Variants in ATAD2 observed in about 807,000 individuals in gnomAD.
ATAD2 encodes the protein ATPase family AAA domain-containing protein 2.
ATAD2 carries 62 observed loss-of-function variants against 168.9 expected under a neutral mutation model. That is an observed-to-expected ratio of 0.37 (90% CI 0.30 to 0.45). The LOEUF is 0.45. Among genes scored for constraint, ATAD2 ranks in the 20% least tolerant of loss-of-function variants. The pLI is 1.00. For synonymous variants in ATAD2, 613 were observed against 571.6 expected (o/e 1.07, Z -1.03); for missense variants, 1,419 against 1,667.8 (o/e 0.85, Z 2.60).
At chr8:123,379,880 T>TATG (rs1829440468) in intron 2 of ATAD2, among the ~76,000 whole-genome samples, 1 of 133,320 alleles carries the variant, frequency 7.5e-6, no homozygotes, top group Non-Finnish European at 1.6e-5. Context: ...GTATTATTAT[T>TATG]ATTATTATTA....
At chr8:123,380,019 T>A (rs2129842695) in intron 2 of ATAD2, among the ~76,000 whole-genome samples, 1 of 152,062 alleles carries the variant, frequency 6.6e-6, no homozygotes, top group Middle Eastern at 3.4e-3. Flanking sequence ...CCTGAGTAGC[T>A]GGGATTACAG....
intron 1 of ATAD2, among the ~76,000 whole-genome samples, chr8:123,409,072 C>T (rs935425066): frequency 3.3e-5 from 5 of 152,116 alleles, no homozygotes; most frequent in South Asian, 4.1e-4. Flanking sequence ...GTGATCCACT[C>T]GCCTCTGCCC....
At chr8:123,340,838 G>A (rs1828040537) in intron 19 of ATAD2, among the ~76,000 whole-genome samples, 1 of 152,084 alleles carries the variant, frequency 6.6e-6, no homozygotes, top group South Asian at 2.1e-4. Flanking sequence ...GTTTCTGCTT[G>A]GGATAACAAG....
chr8:123,336,292 T>C (rs1181718958), intron 22 of ATAD2, 81 bp downstream of exon 22: 6 of 1,214,088 alleles, frequency 4.9e-6, no homozygotes, highest in African/African-American at 4.7e-5. Context: ...GTTTATAATA[T>C]AGCACCTGAC....
At chr8:123,370,875 A>T in intron 6 of ATAD2, 28 bp downstream of exon 6, 1 of 1,522,692 alleles carries the variant, frequency 6.6e-7, no homozygotes. Context: ...ATTCAATCCC[A>T]GAAGACAGAA....
In ATAD2 at chr8:123,321,075, A is replaced by G; in HGVS notation, c.*59T>C. On this transcript the variant is annotated 3_prime_UTR_variant, in exon 28 of 28. Transcript: ENST00000287394. ...TTCATACTACATCAATTAGGCGGAC[A>G]TGACAAAAATGACTTAAATAGGAAC... 1.4e-6 allele frequency: 2 copies of G among 1,466,196 alleles called. No homozygotes were observed. Among genetic ancestry groups the G allele is most frequent in the Non-Finnish European group, 1.9e-6 (2 of 1,057,236 alleles). 90.8% of individuals were successfully genotyped at this position (1,466,196 alleles called of 1,614,324 possible). A position where few individuals can be genotyped will look rare whatever the true frequency, so the allele number is the denominator to read the frequency against.
At chr8:123,350,557 T>A (rs1828417439) in intron 13 of ATAD2, among the ~76,000 whole-genome samples, 1 of 151,888 alleles carries the variant, frequency 6.6e-6, no homozygotes. Context: ...GCCTCTTACA[T>A]TTTTTTTCCC....
intron 1 of ATAD2, among the ~76,000 whole-genome samples, chr8:123,382,110 T>C (rs187485979): frequency 6.6e-6 from 1 of 152,190 alleles, no homozygotes; most frequent in East Asian, 1.9e-4. Context: ...ACTCTATAAT[T>C]CTATGCCCTA....
chr8:123,393,928 T>C (rs1023871413), intron 1 of ATAD2, among the ~76,000 whole-genome samples: 4 of 151,820 alleles, frequency 2.6e-5, no homozygotes, highest in Non-Finnish European at 4.4e-5. Flanking sequence ...AAATAATAAA[T>C]AAATAAATAA....
intron 13 of ATAD2, among the ~76,000 whole-genome samples, chr8:123,351,639 G>T (rs1828464228): frequency 6.6e-6 from 1 of 152,096 alleles, no homozygotes; most frequent in South Asian, 2.1e-4. Flanking sequence ...GTATAGGACA[G>T]GAAGAAGAAA....
At chr8:123,392,599 T>C (rs1024843642) in intron 1 of ATAD2, among the ~76,000 whole-genome samples, 2 of 151,980 alleles carry the variant, frequency 1.3e-5, no homozygotes, top group Non-Finnish European at 2.9e-5. Flanking sequence ...TGAGGTTTTG[T>C]TTTTTAGTTT....
At chr8:123,406,325 C>T (rs556025418) in intron 1 of ATAD2, among the ~76,000 whole-genome samples, 1 of 141,048 alleles carries the variant, frequency 7.1e-6, no homozygotes, top group Non-Finnish European at 1.5e-5. Context: ...TGCAGTGAGC[C>T]CAGAAGATCA....
chr8:123,328,992 G>A lies in ATAD2; in HGVS notation c.3479-413C>T, dbSNP rs182414983. Among the ~76,000 whole-genome samples the A allele has an allele frequency of 1.2e-3, 176 of 151,866 alleles. 1 individual carries two copies. In the Middle Eastern group the frequency reaches 0.014, roughly 12 times the overall value. ...AATTTTTTGCATTTTTAGTAGAGAC[G>A]GGGTTTCAACCTGTTAGCCAGGATG... On this transcript the variant is annotated intron_variant, in intron 24 of 27. Coordinates refer to ENST00000287394, the MANE Select transcript of ATAD2 (RefSeq NM_014109.4).
chr8:123,352,158 C>T (rs149273568), intron 13 of ATAD2: 339 of 152,624 alleles, frequency 2.2e-3, no homozygotes, highest in Non-Finnish European at 4.1e-3. Flanking sequence ...GTGGCTATCT[C>T]CTCCCCTCAC....
At chr8:123,354,864 AATATATATATAT>A (rs1251736641) in intron 13 of ATAD2, among the ~76,000 whole-genome samples, 3 of 64,708 alleles carry the variant, frequency 4.6e-5, no homozygotes, top group African/African-American at 2.6e-4. Flanking sequence ...AAAAAAAAAA[AATATATATATAT>A]ATATATATAT....
chr8:123,335,359 A>AG (rs1200181319), intron 22 of ATAD2, among the ~76,000 whole-genome samples: 2 of 152,188 alleles, frequency 1.3e-5, no homozygotes, highest in African/African-American at 4.8e-5. Context: ...TGCCTAGGGA[A>AG]GGTGAGCTAG....
chr8:123,378,087 G>A (rs574395918), intron 2 of ATAD2, among the ~76,000 whole-genome samples: 4 of 152,180 alleles, frequency 2.6e-5, no homozygotes, highest in African/African-American at 9.6e-5. Context: ...ATATCAGGCT[G>A]GTTTATATTG....
intron 3 of ATAD2, 40 bp downstream of exon 3, chr8:123,372,597 T>G: frequency 6.9e-7 from 1 of 1,439,144 alleles, no homozygotes; most frequent in South Asian, 1.4e-5. Flanking sequence ...GAATATTAAT[T>G]ACACATTTTA....
intron 24 of ATAD2, among the ~76,000 whole-genome samples, chr8:123,331,750 T>C (rs1827778790): frequency 6.6e-6 from 1 of 152,200 alleles, no homozygotes; most frequent in Non-Finnish European, 1.5e-5. Flanking sequence ...AGATTTTTTG[T>C]ACTATACTAA....
Sources: gnomAD v4.1 joint callset for allele counts (sites outside exome capture counted in the v4.1 genomes callset) on GRCh38, gnomAD v4.1.1 for gene constraint, MANE v1.5 for transcripts, NCBI Gene and HGNC (gene_info 2026-07-23, HGNC 2026-07-21) for gene names.